Variants in GFPT2 observed in about 807,000 individuals in gnomAD.
The protein encoded by GFPT2 is glutamine--fructose-6-phosphate aminotransferase [isomerizing] 2.
In GFPT2, 62 loss-of-function variants were observed where a neutral mutation model predicts 85.6. That is an observed-to-expected ratio of 0.72 (90% CI 0.59 to 0.90). The LOEUF (loss-of-function observed/expected upper bound fraction) is 0.90. Ranked by LOEUF, GFPT2 falls within the 40% of genes least tolerant of loss-of-function variation. The probability of loss-of-function intolerance (pLI) is 0.00; values close to 1 mark genes in which losing one functional copy is unlikely to be tolerated. For missense variants in GFPT2, 788 were observed against 893.4 expected, an observed-to-expected ratio of 0.88 and a Z score of 1.50; for synonymous variants, 368 against 344.5, an observed-to-expected ratio of 1.07 and a Z score of -0.75.
chr5:180,325,751 G>A (rs112916889), intron 7 of GFPT2, among the ~76,000 whole-genome samples: 2,518 of 152,316 alleles, frequency 0.017, 47 homozygotes, highest in Admixed American at 0.029. Flanking sequence ...TTGGCTGGGC[G>A]CACAGTGGCT....
chr5:180,314,848 TAC>T (rs1254933245), intron 13 of GFPT2, among the ~76,000 whole-genome samples: 6 of 152,236 alleles, frequency 3.9e-5, no homozygotes, highest in Admixed American at 2.6e-4. Context: ...CTGACTTCTA[TAC>T]ACACAGAGAT....
chr5:180,308,806 C>T (rs1348469662), intron 15 of GFPT2, among the ~76,000 whole-genome samples: 1 of 152,044 alleles, frequency 6.6e-6, no homozygotes, highest in African/African-American at 2.4e-5. Flanking sequence ...TTAAAATGGA[C>T]ACTTTTATTA....
intron 9 of GFPT2, among the ~76,000 whole-genome samples, chr5:180,320,208 G>A (rs1376230833): frequency 2.6e-5 from 4 of 151,864 alleles, no homozygotes; most frequent in African/African-American, 4.8e-5. Context: ...TAGCCAGGAT[G>A]GTCTCGATCT....
At position 180,316,800 on chromosome 5, in the gene GFPT2, C is replaced by T. The variant is rs936791788; in HGVS notation, c.1116G>A (p.Val372=). The T allele has an allele frequency of 1.2e-6, 2 of 1,614,072 alleles. No homozygotes were observed. The highest frequency in any genetic ancestry group is 2.7e-5 in the African/African-American group (2 of 75,056). ...CGTGGTAGCTGGTTCCACAGCCAAT[C>T]ACGATGAGCCGTCGGCATCGTCGAA... The part of the protein sequence containing the change: ...KEIRRCRRLI[V]IGCGTSYHAA... The change falls in exon 12 of 19, where the codon GTG becomes GTA. Residue 372 remains valine, a synonymous_variant. Transcript: ENST00000253778.
intron 4 of GFPT2, among the ~76,000 whole-genome samples, chr5:180,333,144 C>T (rs1409718982): frequency 1.3e-5 from 2 of 152,134 alleles, no homozygotes; most frequent in East Asian, 3.8e-4. Flanking sequence ...CTTGTGCACA[C>T]CAGTTACCCA....
At chr5:180,344,911 C>T (rs959688606) in intron 1 of GFPT2, among the ~76,000 whole-genome samples, 1 of 152,232 alleles carries the variant, frequency 6.6e-6, no homozygotes, top group Non-Finnish European at 1.5e-5. Context: ...TTAAAAACAC[C>T]AGCCCAGGGC....
chr5:180,327,284 C>A (rs1764225665), intron 7 of GFPT2, among the ~76,000 whole-genome samples: 1 of 152,182 alleles, frequency 6.6e-6, no homozygotes, highest in Non-Finnish European at 1.5e-5. Context: ...GTGTCCATAC[C>A]ACCTTGCTCA....
chr5:180,347,495 CA>C (rs1458498317), intron 1 of GFPT2, among the ~76,000 whole-genome samples: 2 of 152,144 alleles, frequency 1.3e-5, no homozygotes, highest in African/African-American at 4.8e-5. Flanking sequence ...GAGAAAAACT[CA>C]AGGGGATTCC....
At chr5:180,333,592 T>G (rs1764347437) in intron 4 of GFPT2, among the ~76,000 whole-genome samples, 1 of 152,222 alleles carries the variant, frequency 6.6e-6, no homozygotes, top group South Asian at 2.1e-4. Flanking sequence ...TTCATCTCAG[T>G]CTATGATCCT....
rs151335150 is a variant in GFPT2, at chr5:180,318,348, G to A, written c.958+445C>T. On this transcript the variant is annotated intron_variant, in intron 10 of 18. Transcript: ENST00000253778. The surrounding 1 kb of genome is among the most constrained non-coding windows in gnomAD (Gnocchi z 4.2). ...CAGGGGCTGATTCATGTTCTTAGAC[G>A]TTTGCTCAGGCTGCCCTGTGGGGTA... is the stretch of plus-strand genomic sequence containing the variant. Among the ~76,000 whole-genome samples, 264 of 152,256 alleles carry A rather than the reference G, an allele frequency of 1.7e-3. No individual in the cohort carries two copies. Among genetic ancestry groups the A allele is most frequent in the African/African-American group, 6.1e-3 (254 of 41,548 alleles).
intron 17 of GFPT2, 102 bp from the exon 18 acceptor site, chr5:180,302,686 TC>T: frequency 1.1e-6 from 1 of 883,956 alleles, no homozygotes; most frequent in Non-Finnish European, 1.7e-6. Flanking sequence ...ATGAGAACAG[TC>T]CTCTTTTGCA....
At position 180,328,406 on chromosome 5, in the gene GFPT2, A is replaced by G. The variant is rs776802495; in HGVS notation, c.535-68T>C. 2 of 1,269,612 alleles carry G rather than the reference A, an allele frequency of 1.6e-6. No individual in the cohort carries two copies. The highest frequency in any genetic ancestry group is 1.2e-5 in the South Asian group (1 of 84,166). 78.6% of individuals were successfully genotyped at this position (1,269,612 alleles called of 1,614,324 possible). ...CGCTGCTGCAGCCTGGCCACAGCCC[A>G]GGTGCGTCTCCCTGGGCCCCTCCTG... On this transcript the variant is annotated intron_variant, in intron 6 of 18. Transcript: ENST00000253778. This position sits in a 1 kb window ranked among gnomAD's most constrained non-coding sequence, Gnocchi z 5.4.
At chr5:180,352,819 T>C (rs1160100932) in intron 1 of GFPT2, 2 of 327,558 alleles carry the variant, frequency 6.1e-6, no homozygotes, top group East Asian at 2.1e-4. Context: ...TGCGCCGGCC[T>C]GCGCGTGGCC....
Position 180,317,046 on chromosome 5 carries a change from G to A in GFPT2, c.971C>T (p.Ala324Val), listed in dbSNP as rs772616408. 4.4e-6 allele frequency: 7 copies of A among 1,595,898 alleles called. No individual in the cohort carries two copies. The highest frequency in any genetic ancestry group is 1.3e-5 in the African/African-American group (1 of 74,550). Residue 324 changes from alanine to valine, a missense_variant, in exon 11 of 19, where the codon GCG becomes GTG. Coordinates refer to ENST00000253778, the MANE Select transcript of GFPT2 (RefSeq NM_005110.4). Reference sequence around the variant, plus strand: ...TTCGAAGATCTCCTTCTGCATAAACGCACTGAAGTTACCTGGTCAAATAAA... The same window carrying A: ...TTCGAAGATCTCCTTCTGCATAAACACACTGAAGTTACCTGGTCAAATAAA... ...LQQIMKGNFS[A>V]FMQKEIFEQP...
intron 9 of GFPT2, among the ~76,000 whole-genome samples, chr5:180,321,960 T>G (rs1366910668): frequency 6.6e-6 from 1 of 151,842 alleles, no homozygotes; most frequent in African/African-American, 2.4e-5. Flanking sequence ...ATTTTTTTTT[T>G]GTATTTTTAG....
chr5:180,305,978 T>G (rs1307353976), intron 16 of GFPT2, among the ~76,000 whole-genome samples: 13 of 130,456 alleles, frequency 1.0e-4, no homozygotes, highest in Non-Finnish European at 1.8e-4. Flanking sequence ...TTTTTTTCTT[T>G]CTTTCTTTTT....
chr5:180,333,321 G>A (rs1044214477), intron 4 of GFPT2, among the ~76,000 whole-genome samples: 6 of 151,626 alleles, frequency 4.0e-5, no homozygotes, highest in African/African-American at 7.3e-5. Flanking sequence ...TGCAAGCTCC[G>A]CCTCCCAGGT....
chr5:180,341,398 A>G (rs17080201), intron 1 of GFPT2, among the ~76,000 whole-genome samples: 25,197 of 152,212 alleles, frequency 0.17, 2,142 homozygotes, highest in East Asian at 0.21. Context: ...TCATGTCAAT[A>G]TGCTACATCT....
Position 180,328,965 on chromosome 5 carries a change from T to G in GFPT2, c.535-627A>C, listed in dbSNP as rs1227598637. 1.3e-5 allele frequency among the ~76,000 whole-genome samples: 2 copies of G among 152,230 alleles called. No individual in the cohort carries two copies. Among genetic ancestry groups the G allele is most frequent in the East Asian group, 3.8e-4 (2 of 5,196 alleles). ...CCTTTCCATGGATACGACTGCCACC[T>G]GCCCTCTGGGCCTCAGCTGGTTGGT... On this transcript the variant is annotated intron_variant, in intron 6 of 18. Coordinates refer to ENST00000253778, the MANE Select transcript of GFPT2 (RefSeq NM_005110.4). The surrounding 1 kb of genome is among the most constrained non-coding windows in gnomAD (Gnocchi z 5.4).
Sources: allele counts gnomAD v4.1 joint callset (sites outside exome capture counted in the v4.1 genomes callset), GRCh38; gene constraint gnomAD v4.1.1; non-coding constraint Gnocchi (gnomAD v3.1); transcripts MANE v1.5; gene names NCBI Gene and HGNC (gene_info 2026-07-23, HGNC 2026-07-21).